The following RSU1 variants were observed in gnomAD, a reference collection of about 807,000 sequenced individuals.
RSU1 encodes the protein rsu-1.
A neutral mutation model predicts 31.1 loss-of-function variants in RSU1; 26 were observed. The observed-to-expected ratio is 0.84, with a 90% confidence interval of 0.61 to 1.16. The LOEUF is 1.16. Among genes scored for constraint, RSU1 ranks in the 50% most tolerant of loss-of-function variants. RSU1 has a pLI of 0.00. For missense variants in RSU1, 320 were observed against 339.1 expected, an observed-to-expected ratio of 0.94 and a Z score of 0.44; for synonymous variants, 164 against 136.3, an observed-to-expected ratio of 1.20 and a Z score of -1.41.
intron 4 of RSU1, among the ~76,000 whole-genome samples, chr10:16,763,269 T>G (rs1290647152): frequency 1.3e-5 from 2 of 152,150 alleles, no homozygotes; most frequent in African/African-American, 4.8e-5. Context: ...CTGGGTAACT[T>G]ACAAGAAAAG....
intron 7 of RSU1, among the ~76,000 whole-genome samples, chr10:16,737,687 T>C (rs959985163): frequency 2.6e-5 from 4 of 151,380 alleles, no homozygotes; most frequent in Non-Finnish European, 4.4e-5. Context: ...AAATGGTAAA[T>C]AGAGAAGCGG....
At chr10:16,594,651 A>C (rs1408053301) in intron 8 of RSU1, among the ~76,000 whole-genome samples, 1 of 144,220 alleles carries the variant, frequency 6.9e-6, no homozygotes, top group Non-Finnish European at 1.5e-5. Flanking sequence ...TATATATGAT[A>C]TATATCATAT....
At chr10:16,622,904 A>T (rs117855502) in intron 8 of RSU1, among the ~76,000 whole-genome samples, 6 of 152,264 alleles carry the variant, frequency 3.9e-5, no homozygotes, top group African/African-American at 1.4e-4. Context: ...TGCAGATACA[A>T]TTCAATGATC....
At chr10:16,805,659 T>G in intron 2 of RSU1, among the ~76,000 whole-genome samples, 1 of 117,002 alleles carries the variant, frequency 8.5e-6, no homozygotes, top group Admixed American at 1.0e-4. Flanking sequence ...AGAGCGAGAC[T>G]CCGTCTCAAA....
chr10:16,659,969 T>C (rs1429326492), intron 8 of RSU1, among the ~76,000 whole-genome samples: 1 of 152,104 alleles, frequency 6.6e-6, no homozygotes, highest in Non-Finnish European at 1.5e-5. Flanking sequence ...GGGAAATAAT[T>C]CTCCATGGGA....
intron 2 of RSU1, among the ~76,000 whole-genome samples, chr10:16,801,567 C>T (rs141761183): frequency 4.6e-5 from 7 of 152,186 alleles, no homozygotes; most frequent in Non-Finnish European, 1.0e-4. Context: ...CTATAGACTA[C>T]TCCATCTAAC....
chr10:16,756,341 C>T (rs1468632510), intron 4 of RSU1, among the ~76,000 whole-genome samples: 3 of 152,088 alleles, frequency 2.0e-5, no homozygotes, highest in Non-Finnish European at 4.4e-5. Flanking sequence ...TTATCACAAC[C>T]TAAAAAATTT....
Position 16,683,761 on chromosome 10 carries a change from C to A in RSU1, c.731+11262G>T, listed in dbSNP as rs532788076. Among the ~76,000 whole-genome samples the A allele has an allele frequency of 2.6e-4, 40 of 152,272 alleles. No homozygotes were observed. The South Asian group carries it at 7.9e-3, about 30-fold the overall frequency. ...GGTTGGGGCGCAGCTTGGTTTCATG[C>A]ATTTTAGGGAGGCATGAGACATCAA... On this transcript the variant is annotated intron_variant, in intron 8 of 8. Transcript: ENST00000345264.
intron 8 of RSU1, among the ~76,000 whole-genome samples, chr10:16,617,123 C>T (rs2131474201): frequency 6.6e-6 from 1 of 152,290 alleles, no homozygotes; most frequent in Middle Eastern, 3.4e-3. Context: ...AGCTGATAAG[C>T]AACTTCAGCA....
intron 8 of RSU1, among the ~76,000 whole-genome samples, chr10:16,596,234 C>A (rs1833610168): frequency 6.6e-6 from 1 of 152,112 alleles, no homozygotes; most frequent in South Asian, 2.1e-4. Flanking sequence ...CCTTACATGA[C>A]AAAAGGGGCT....
At chr10:16,647,756 C>T (rs573387370) in intron 8 of RSU1, among the ~76,000 whole-genome samples, 2 of 152,090 alleles carry the variant, frequency 1.3e-5, no homozygotes, top group East Asian at 1.9e-4. Context: ...GGGATGAATG[C>T]TAACTGTATG....
At chr10:16,803,746 C>A (rs1473907324) in intron 2 of RSU1, among the ~76,000 whole-genome samples, 1 of 152,186 alleles carries the variant, frequency 6.6e-6, no homozygotes, top group Non-Finnish European at 1.5e-5. Context: ...GTCTTTTCAA[C>A]AAACGGTGCT....
intron 8 of RSU1, among the ~76,000 whole-genome samples, chr10:16,623,248 A>C (rs1299418024): frequency 6.6e-6 from 1 of 152,138 alleles, no homozygotes; most frequent in Non-Finnish European, 1.5e-5. Flanking sequence ...CATGAAGACC[A>C]ATGTTTAGCT....
intron 3 of RSU1, among the ~76,000 whole-genome samples, chr10:16,770,957 T>TAAAA (rs10547207): frequency 8.3e-6 from 1 of 120,080 alleles, no homozygotes; most frequent in Non-Finnish European, 1.8e-5. Flanking sequence ...TATTGCTATT[T>TAAAA]AAAAAAAAAA....
At chr10:16,660,379 G>A (rs1834865419) in intron 8 of RSU1, among the ~76,000 whole-genome samples, 1 of 152,136 alleles carries the variant, frequency 6.6e-6, no homozygotes, top group Non-Finnish European at 1.5e-5. Context: ...TTTGACCCAG[G>A]AATGTTGTGT....
At chr10:16,619,819 T>C (rs938466924) in intron 8 of RSU1, among the ~76,000 whole-genome samples, 1 of 152,252 alleles carries the variant, frequency 6.6e-6, no homozygotes, top group African/African-American at 2.4e-5. Flanking sequence ...GCAACCCATT[T>C]AGAAATTCAC....
chr10:16,615,491 G>T (rs987221221), intron 8 of RSU1, among the ~76,000 whole-genome samples: 3 of 152,076 alleles, frequency 2.0e-5, no homozygotes, highest in African/African-American at 7.2e-5. Context: ...CGAAAATTAA[G>T]AAGGATATTC....
intron 8 of RSU1, among the ~76,000 whole-genome samples, chr10:16,662,546 C>A: frequency 6.6e-6 from 1 of 152,174 alleles, no homozygotes; most frequent in East Asian, 1.9e-4. Flanking sequence ...CCTACTTTAA[C>A]CCTGATGGAC....
chr10:16,766,317 T>C (rs934381098), intron 3 of RSU1, among the ~76,000 whole-genome samples: 7 of 152,228 alleles, frequency 4.6e-5, no homozygotes, highest in Non-Finnish European at 1.0e-4. Context: ...AAATGAACCC[T>C]ACCTGTACAG....
Sources: allele counts gnomAD v4.1 joint callset (sites outside exome capture counted in the v4.1 genomes callset), GRCh38; gene constraint gnomAD v4.1.1; transcripts MANE v1.5; gene names NCBI Gene and HGNC (gene_info 2026-07-23, HGNC 2026-07-21).